ADTRP: variants seen among roughly 807,000 people sequenced by gnomAD.
The protein encoded by ADTRP is androgen-dependent TFPI-regulating protein.
Under a neutral mutation model 27.0 loss-of-function variants are expected in ADTRP, and 20 were observed. That is an observed-to-expected ratio of 0.74 (90% CI 0.52 to 1.08). The LOEUF (loss-of-function observed/expected upper bound fraction) is 1.08. ADTRP is among the 50% of genes least tolerant of loss of function. ADTRP has a pLI of 0.00. For missense variants in ADTRP, 251 were observed against 275.0 expected (o/e 0.91, Z 0.62); for synonymous variants, 101 against 105.2 (o/e 0.96, Z 0.25).
Position 11,735,651 on chromosome 6 carries a change from T to A in ADTRP, c.423A>T (p.Glu141Asp). The part of the protein sequence containing the change: ...HTFIFPITLA[E>D]VVLRPHSYPS... Reference sequence around the variant, plus strand: ...GATAGGAGTGAGGCCTGAGGACGACTTCAGCCAATGTGATGGGGAATATGA... The same window carrying A: ...GATAGGAGTGAGGCCTGAGGACGACATCAGCCAATGTGATGGGGAATATGA... Residue 141 changes from glutamate (E) to aspartate (D), a missense_variant, in exon 4 of 6, where the codon GAA (glutamate) becomes GAT (aspartate). Physicochemically the swap from Glu to Asp is conservative, Grantham distance 45 (BLOSUM62 2). Coordinates refer to ENST00000414691, the MANE Select transcript of ADTRP (RefSeq NM_032744.4). The A allele has an allele frequency of 6.2e-7, 1 of 1,613,972 alleles. No individual in the cohort carries two copies. The highest frequency in any genetic ancestry group is 1.3e-5 in the African/African-American group (1 of 75,002).
intron 4 of ADTRP, among the ~76,000 whole-genome samples, chr6:11,732,325 C>T (rs1762415179): frequency 6.6e-6 from 1 of 152,322 alleles, no homozygotes; most frequent in South Asian, 2.1e-4. Context: ...CTGGCCCGAG[C>T]CCATGCTCTT....
chr6:11,726,826 G>A (rs545797554), intron 4 of ADTRP, among the ~76,000 whole-genome samples: 45 of 152,192 alleles, frequency 3.0e-4, no homozygotes, highest in African/African-American at 1.0e-3. Context: ...TAAATATTGT[G>A]TACCTTTTAC....
intron 3 of ADTRP, among the ~76,000 whole-genome samples, chr6:11,764,544 CT>C (rs58611275): frequency 0.32 from 46,954 of 145,870 alleles, 8,762 homozygotes; most frequent in Non-Finnish European, 0.43. Flanking sequence ...GATGAGGATT[CT>C]TTTTTTTTTT....
At chr6:11,759,588 G>C (rs1763335201) in intron 3 of ADTRP, among the ~76,000 whole-genome samples, 1 of 152,012 alleles carries the variant, frequency 6.6e-6, no homozygotes, top group Non-Finnish European at 1.5e-5. Context: ...TCAAAACTGG[G>C]GTGAAAAGGG....
intron 3 of ADTRP, among the ~76,000 whole-genome samples, chr6:11,737,436 T>C (rs781196782): frequency 3.3e-5 from 5 of 152,166 alleles, no homozygotes; most frequent in Non-Finnish European, 5.9e-5. Flanking sequence ...CAGCTGGAAC[T>C]CTGGGTGCTG....
intron 3 of ADTRP, chr6:11,738,460 C>T (rs1195173075): frequency 2.6e-5 from 4 of 152,342 alleles, no homozygotes; most frequent in African/African-American, 9.7e-5. Context: ...CCACCTGCCC[C>T]TCTCTCCCAG....
At position 11,766,161 on chromosome 6, in the gene ADTRP, G is replaced by A. The variant is rs1000162337; in HGVS notation, c.390+113C>T. 6 of 721,370 alleles carry A rather than the reference G, an allele frequency of 8.3e-6. No individual in the cohort carries two copies. The African/African-American group carries it at 8.9e-5, about 11-fold the overall frequency. The allele number at this position is 721,370 out of a possible 1,614,324, so 44.7% of individuals were successfully genotyped here. A position where few individuals can be genotyped will look rare whatever the true frequency, so the allele number is the denominator to read the frequency against. On this transcript the variant is annotated intron_variant, in intron 3 of 5. Coordinates refer to ENST00000414691, the MANE Select transcript of ADTRP (RefSeq NM_032744.4). Reference sequence around the variant, plus strand: ...ATGCCCTTTAAATAAACAGTGATGAGGTAGATTGGATGCTGGGAATTGAGA... The same window carrying A: ...ATGCCCTTTAAATAAACAGTGATGAAGTAGATTGGATGCTGGGAATTGAGA...
chr6:11,756,289 A>G (rs1028689781), intron 3 of ADTRP, among the ~76,000 whole-genome samples: 6 of 152,096 alleles, frequency 3.9e-5, no homozygotes, highest in Non-Finnish European at 7.4e-5. Context: ...AGTGGAGATC[A>G]TGCCACTGCA....
chr6:11,739,742 A>AACTT (rs980162540), intron 3 of ADTRP, among the ~76,000 whole-genome samples: 1 of 152,190 alleles, frequency 6.6e-6, no homozygotes, highest in African/African-American at 2.4e-5. Flanking sequence ...TATGAGGCTA[A>AACTT]ACTTACAGTA....
chr6:11,715,702 G>T (rs1761795113), intron 5 of ADTRP, among the ~76,000 whole-genome samples: 1 of 143,772 alleles, frequency 7.0e-6, no homozygotes, highest in African/African-American at 2.7e-5. Context: ...CTGGAATACG[G>T]TGGCACAATC....
rs55961408 is a variant in ADTRP, at chr6:11,715,806, C to CTTTT, written c.659-1298_659-1295dup. Among the ~76,000 whole-genome samples, 9 of 77,724 alleles carry CTTTT rather than the reference C, an allele frequency of 1.2e-4. 1 individual carries two copies. The highest frequency in any genetic ancestry group is 2.0e-4 in the Non-Finnish European group (9 of 45,548). 51.0% of individuals were successfully genotyped at this position (77,724 alleles called of 152,430 possible). ...TAGAGGTGCACACCACCATGCCCAG[C>CTTTT]TTTTTTTTTTTTTTTTTTTTTTTTT... On this transcript the variant is annotated intron_variant, in intron 5 of 5. Transcript: ENST00000414691.
chr6:11,744,813 G>A (rs1237452704), intron 3 of ADTRP, among the ~76,000 whole-genome samples: 1 of 152,172 alleles, frequency 6.6e-6, no homozygotes, highest in Non-Finnish European at 1.5e-5. Context: ...AGGAAGCATG[G>A]GATCTACTCT....
intron 3 of ADTRP, among the ~76,000 whole-genome samples, chr6:11,739,276 A>G (rs1157900467): frequency 1.3e-5 from 2 of 152,222 alleles, no homozygotes; most frequent in Non-Finnish European, 2.9e-5. Context: ...CAAAGTAAAC[A>G]AAACATCATG....
chr6:11,771,616 CA>C (rs1763783918), intron 1 of ADTRP, among the ~76,000 whole-genome samples: 1 of 152,208 alleles, frequency 6.6e-6, no homozygotes, highest in Non-Finnish European at 1.5e-5. Context: ...ACGGAGCGAT[CA>C]GGGGAGGCAA....
chr6:11,751,622 G>A (rs1763059339), intron 3 of ADTRP, among the ~76,000 whole-genome samples: 1 of 151,972 alleles, frequency 6.6e-6, no homozygotes, highest in Non-Finnish European at 1.5e-5. Flanking sequence ...GGGATTTTTT[G>A]TATTTTTAAT....
intron 3 of ADTRP, among the ~76,000 whole-genome samples, chr6:11,745,466 T>C (rs868805046): frequency 6.6e-6 from 1 of 152,150 alleles, no homozygotes; most frequent in East Asian, 1.9e-4. Flanking sequence ...ACTAGGTGAG[T>C]CCTAAAGCAT....
intron 3 of ADTRP, among the ~76,000 whole-genome samples, chr6:11,755,499 G>C (rs1466451986): frequency 1.3e-5 from 2 of 152,220 alleles, no homozygotes; most frequent in African/African-American, 4.8e-5. Context: ...CCAGTGGACT[G>C]GTCGTCCTCT....
chr6:11,771,150 A>G (rs1253832954), intron 1 of ADTRP, among the ~76,000 whole-genome samples: 1 of 152,148 alleles, frequency 6.6e-6, no homozygotes, highest in Non-Finnish European at 1.5e-5. Flanking sequence ...GGCCTTCTCC[A>G]TCAATAAAAA....
intron 3 of ADTRP, among the ~76,000 whole-genome samples, chr6:11,759,564 G>A (rs1763334614): frequency 6.6e-6 from 1 of 152,046 alleles, no homozygotes; most frequent in Non-Finnish European, 1.5e-5. Context: ...TATATGTAGT[G>A]TAAGACAGCC....
Sources: allele counts gnomAD v4.1 joint callset (sites outside exome capture counted in the v4.1 genomes callset), GRCh38; gene constraint gnomAD v4.1.1; transcripts MANE v1.5; gene names NCBI Gene and HGNC (gene_info 2026-07-23, HGNC 2026-07-21).